The following KIZ variants were observed in gnomAD, a reference collection of about 807,000 sequenced individuals.
The protein encoded by KIZ is kizuna centrosomal protein.
Under a neutral mutation model 79.6 loss-of-function variants are expected in KIZ, and 68 were observed. The observed-to-expected ratio is 0.85, with a 90% CI of 0.70 to 1.05. The LOEUF (loss-of-function observed/expected upper bound fraction) is 1.05. Ranked by LOEUF, KIZ falls within the 50% of genes least tolerant of loss-of-function variation. The pLI is 0.00. For synonymous variants in KIZ, 280 were observed against 281.8 expected, an observed-to-expected ratio of 0.99 and a Z score of 0.06; for missense variants, 797 against 800.4, an observed-to-expected ratio of 1.00 and a Z score of 0.05.
At chr20:21,208,701 C>CAA (rs748647325) in intron 7 of KIZ, among the ~76,000 whole-genome samples, 5 of 122,704 alleles carry the variant, frequency 4.1e-5, no homozygotes, top group Non-Finnish European at 5.2e-5. Context: ...GACTCCATCT[C>CAA]AAAAAAAAAA....
intron 7 of KIZ, among the ~76,000 whole-genome samples, chr20:21,206,397 G>A (rs751732968): frequency 1.3e-5 from 2 of 152,180 alleles, no homozygotes; most frequent in African/African-American, 2.4e-5. Flanking sequence ...CAAGGAAGGC[G>A]GAGGTCATGA....
At chr20:21,151,841 C>A (rs901335558) in intron 4 of KIZ, 2 of 152,174 alleles carry the variant, frequency 1.3e-5, no homozygotes, top group Non-Finnish European at 2.9e-5. Flanking sequence ...GAAAGAAAAT[C>A]TTTTGTTCAA....
chr20:21,181,814 T>C (rs1318961827), intron 6 of KIZ, among the ~76,000 whole-genome samples: 1 of 152,214 alleles, frequency 6.6e-6, no homozygotes, highest in Non-Finnish European at 1.5e-5. Flanking sequence ...TCAGCTATTA[T>C]CTTGATATAT....
chr20:21,137,803 G>A (rs1168503939), intron 3 of KIZ, among the ~76,000 whole-genome samples: 3 of 152,038 alleles, frequency 2.0e-5, no homozygotes, highest in Non-Finnish European at 4.4e-5. Context: ...TTGAGACAGG[G>A]CCTTACCATG....
chr20:21,217,977 AC>A (rs1201733773), intron 9 of KIZ, among the ~76,000 whole-genome samples: 3 of 152,138 alleles, frequency 2.0e-5, no homozygotes, highest in Non-Finnish European at 4.4e-5. Flanking sequence ...GTTCTGGTGG[AC>A]CTGCATACCT....
At chr20:21,146,055 A>G (rs2032829957) in intron 4 of KIZ, among the ~76,000 whole-genome samples, 1 of 152,236 alleles carries the variant, frequency 6.6e-6, no homozygotes, top group Admixed American at 6.5e-5. Flanking sequence ...GAAAACGTGG[A>G]AAGAAAAGAT....
chr20:21,144,589 GAAAA>G (rs761674702), intron 3 of KIZ, among the ~76,000 whole-genome samples: 12 of 150,226 alleles, frequency 8.0e-5, no homozygotes, highest in Non-Finnish European at 1.6e-4. Context: ...CTCTGCTGGA[GAAAA>G]AAAAATCCAT....
chr20:21,243,308 G>GAA (rs5840910), intron 11 of KIZ, among the ~76,000 whole-genome samples: 61 of 149,878 alleles, frequency 4.1e-4, no homozygotes, highest in South Asian at 1.9e-3. Flanking sequence ...ATGTTTTTCT[G>GAA]AAAAAAAAAA....
chr20:21,154,050 A>T (rs1479505526), intron 4 of KIZ: 1 of 152,174 alleles, frequency 6.6e-6, no homozygotes, highest in Non-Finnish European at 1.5e-5. Context: ...TTGTTAATGG[A>T]TTTTTAAAAA....
intron 6 of KIZ, among the ~76,000 whole-genome samples, chr20:21,166,872 C>T (rs940006163): frequency 1.3e-5 from 2 of 152,160 alleles, no homozygotes; most frequent in Admixed American, 1.3e-4. Flanking sequence ...GGATTAGAGG[C>T]GTGAGCCACC....
At chr20:21,212,350 G>A (rs752070809) in intron 7 of KIZ, among the ~76,000 whole-genome samples, 2 of 152,120 alleles carry the variant, frequency 1.3e-5, no homozygotes, top group Non-Finnish European at 2.9e-5. Context: ...ACAATTTTTT[G>A]ATTTTACAGT....
At chr20:21,161,478 C>T (rs1414187322) in intron 4 of KIZ, among the ~76,000 whole-genome samples, 3 of 95,522 alleles carry the variant, frequency 3.1e-5, no homozygotes, top group Admixed American at 2.0e-4. Context: ...ATCACAGGCA[C>T]CTGCCACCGT....
intron 10 of KIZ, among the ~76,000 whole-genome samples, chr20:21,232,498 G>GT (rs1361071601): frequency 1.3e-5 from 2 of 152,156 alleles, no homozygotes; most frequent in African/African-American, 4.8e-5. Flanking sequence ...GATGATTTCA[G>GT]TTTTCACTTT....
At chr20:21,201,503 A>G (rs917902594) in intron 6 of KIZ, among the ~76,000 whole-genome samples, 6 of 152,050 alleles carry the variant, frequency 3.9e-5, no homozygotes, top group Non-Finnish European at 5.9e-5. Flanking sequence ...TATTGTTTGG[A>G]TTATAGTATA....
chr20:21,158,295 A>G (rs1487960600), intron 4 of KIZ: 3 of 152,212 alleles, frequency 2.0e-5, no homozygotes, highest in African/African-American at 4.8e-5. Flanking sequence ...TATAATGGAA[A>G]ATTCTTTAAA....
intron 4 of KIZ, chr20:21,151,637 G>T (rs181283871): frequency 6.6e-6 from 1 of 152,244 alleles, no homozygotes; most frequent in East Asian, 1.9e-4. Flanking sequence ...TTGAGTTCTT[G>T]TTCTTTAGAA....
intron 6 of KIZ, among the ~76,000 whole-genome samples, chr20:21,168,542 A>G (rs1206624736): frequency 1.3e-5 from 2 of 152,196 alleles, no homozygotes; most frequent in Non-Finnish European, 1.5e-5. Context: ...CATCCCCATC[A>G]AGCTACCAAT....
Position 21,185,051 on chromosome 20 carries a change from G to A in KIZ, c.1353-20440G>A, listed in dbSNP as rs573733464. 7.4e-5 allele frequency among the ~76,000 whole-genome samples: 11 copies of A among 148,080 alleles called. No individual in the cohort carries two copies. In the South Asian group the frequency reaches 2.3e-3, roughly 31 times the overall value. On this transcript the variant is annotated intron_variant, in intron 6 of 12. Transcript: ENST00000619189. ...GAGCAAGACCCTGTCTCAAGGAAAG[G>A]AAAAAAATAATTGTGTGTGTGTGTG...
At chr20:21,238,826 T>C (rs1316632312) in intron 11 of KIZ, among the ~76,000 whole-genome samples, 2 of 152,208 alleles carry the variant, frequency 1.3e-5, no homozygotes, top group Non-Finnish European at 2.9e-5. Context: ...CCCCTGCTCT[T>C]GGAAGGCCTG....
Sources: allele counts gnomAD v4.1 joint callset (sites outside exome capture counted in the v4.1 genomes callset), GRCh38; gene constraint gnomAD v4.1.1; transcripts MANE v1.5; gene names NCBI Gene and HGNC (gene_info 2026-07-23, HGNC 2026-07-21).